PCYT1B: variants seen among roughly 807,000 people sequenced by gnomAD.
PCYT1B encodes the protein choline-phosphate cytidylyltransferase B.
PCYT1B carries 10 observed loss-of-function variants against 26.4 expected under a neutral mutation model. That is an observed-to-expected ratio of 0.38 (90% confidence interval 0.23 to 0.64). The LOEUF is 0.64. PCYT1B is among the 30% of genes least tolerant of loss of function. The pLI is 0.56. For missense variants in PCYT1B, 161 were observed against 292.7 expected, an observed-to-expected ratio of 0.55 and a Z score of 3.28; for synonymous variants, 131 against 108.4, an observed-to-expected ratio of 1.21 and a Z score of -1.29.
intron 2 of PCYT1B, among the ~76,000 whole-genome samples, chrX:24,615,869 C>T (rs1049081305): frequency 4.5e-5 from 5 of 111,863 alleles, no homozygotes; most frequent in Non-Finnish European, 9.4e-5. Context: ...CACTTAGCTC[C>T]ATGGCCTGCT....
At chrX:24,569,941 C>T (rs781393268) in intron 7 of PCYT1B, among the ~76,000 whole-genome samples, 3 of 111,301 alleles carry the variant, frequency 2.7e-5, no homozygotes, top group South Asian at 3.8e-4. Flanking sequence ...CCCAGCACTT[C>T]GGGAGGCTGA....
chrX:24,603,782 C>A (rs1244255105), intron 3 of PCYT1B, among the ~76,000 whole-genome samples: 2 of 111,714 alleles, frequency 1.8e-5, no homozygotes, highest in East Asian at 5.6e-4. Flanking sequence ...AGTCTAGAAT[C>A]TGCCTTTGTT....
Position 24,562,170 on chromosome X carries a change from C to G in PCYT1B, c.*123G>C. 2.5e-6 allele frequency: 3 copies of G among 1,202,734 alleles called. No individual in the cohort carries two copies. In the Admixed American group the frequency reaches 6.6e-5, roughly 26 times the overall value. On this transcript the variant is annotated 3_prime_UTR_variant, in exon 8 of 8. Coordinates refer to ENST00000379144, the MANE Select transcript of PCYT1B (RefSeq NM_004845.5). ...CCCAAGACCTTCCCTTAGCAGAGTT[C>G]AGGGTCTCTCTGCTGAGCTGCAGCT...
At chrX:24,630,442 C>A (rs761645057) in intron 1 of PCYT1B, among the ~76,000 whole-genome samples, 4 of 110,676 alleles carry the variant, frequency 3.6e-5, no homozygotes, top group African/African-American at 1.3e-4. Context: ...ACCACAGGTG[C>A]CCACCACCAC....
Position 24,560,353 on chromosome X carries a change from G to T in PCYT1B, c.*1940C>A, listed in dbSNP as rs1923360956. 1 of 111,813 alleles carries T rather than the reference G, an allele frequency of 8.9e-6. No individual in the cohort carries two copies. The highest frequency in any genetic ancestry group is 1.9e-5 in the Non-Finnish European group (1 of 53,169). The allele number at this position is 111,813 out of a possible 1,213,427, so 9.2% of individuals were successfully genotyped here. On this transcript the variant is annotated 3_prime_UTR_variant, in exon 8 of 8. Transcript: ENST00000379144. ...CTACAAGTGCCAACTAACTCAAATGGTAGGCAGACTTGCATGGCTTGACCT... is the reference window on the plus strand; with the variant it reads ...CTACAAGTGCCAACTAACTCAAATGTTAGGCAGACTTGCATGGCTTGACCT...
chrX:24,596,144 C>A (rs1329597918), intron 3 of PCYT1B, among the ~76,000 whole-genome samples: 1 of 111,556 alleles, frequency 9.0e-6, no homozygotes, highest in East Asian at 2.8e-4. Flanking sequence ...AATTCCTTGG[C>A]CTGTTTTTAA....
At chrX:24,618,172 G>C (rs1925576587) in intron 2 of PCYT1B, among the ~76,000 whole-genome samples, 2 of 111,779 alleles carry the variant, frequency 1.8e-5, no homozygotes, top group Admixed American at 9.6e-5. Context: ...TAATGCTAAA[G>C]GGATGAATGA....
intron 1 of PCYT1B, among the ~76,000 whole-genome samples, chrX:24,642,807 A>G (rs1926507344): frequency 8.9e-6 from 1 of 112,078 alleles, no homozygotes; most frequent in Non-Finnish European, 1.9e-5. Context: ...CAATATTAGC[A>G]AAGGAAGCCA....
intron 1 of PCYT1B, among the ~76,000 whole-genome samples, chrX:24,642,259 A>C (rs1044901063): frequency 1.9e-4 from 21 of 112,075 alleles, no homozygotes; most frequent in African/African-American, 6.8e-4. Context: ...GTTGTTAACC[A>C]CCTGGCTGAC....
chrX:24,579,275 T>C, intron 6 of PCYT1B, 41 bp downstream of exon 6: 1 of 1,185,993 alleles, frequency 8.4e-7, no homozygotes. Context: ...GGTGGTGGTG[T>C]GGCATGGTGG....
chrX:24,653,488 T>C (rs7876880), intron 1 of PCYT1B, among the ~76,000 whole-genome samples: 323 of 111,821 alleles, frequency 2.9e-3, no homozygotes, highest in African/African-American at 0.01. Flanking sequence ...AATACCCTAG[T>C]TTCCTCAGCC....
chrX:24,650,038 T>C (rs1926730763), upstream of PCYT1B: 2 of 112,313 alleles, frequency 1.8e-5, no homozygotes, highest in Non-Finnish European at 3.7e-5. Flanking sequence ...ATGGCAGAAA[T>C]AGGCTCTTTC....
intron 2 of PCYT1B, among the ~76,000 whole-genome samples, chrX:24,618,017 T>A (rs1385800315): frequency 8.9e-6 from 1 of 111,853 alleles, no homozygotes; most frequent in Non-Finnish European, 1.9e-5. Flanking sequence ...GAATCAGTTA[T>A]CATCTGTGTT....
Position 24,560,230 on chromosome X carries a change from C to A in PCYT1B, c.*2063G>T, listed in dbSNP as rs1392599851. ...AAATGGTTTTATGAGAGCAGATTTT[C>A]TTTATCCTCCTTTCCTCCCTCCAGG... On this transcript the variant is annotated 3_prime_UTR_variant, in exon 8 of 8. Transcript: ENST00000379144. 8.9e-6 allele frequency: 1 copy of A among 111,846 alleles called. No individual in the cohort carries two copies. Among genetic ancestry groups the A allele is most frequent in the Non-Finnish European group, 1.9e-5 (1 of 53,171 alleles). 9.2% of individuals were successfully genotyped at this position (111,846 alleles called of 1,213,427 possible).
chrX:24,564,243 G>A (rs1033179303), intron 7 of PCYT1B, among the ~76,000 whole-genome samples: 4 of 111,206 alleles, frequency 3.6e-5, no homozygotes, highest in Non-Finnish European at 7.6e-5. Flanking sequence ...GATGATGGCA[G>A]TGTGCTGAAA....
intron 7 of PCYT1B, among the ~76,000 whole-genome samples, chrX:24,569,410 A>G (rs759200360): frequency 8.9e-6 from 1 of 111,991 alleles, no homozygotes; most frequent in Non-Finnish European, 1.9e-5. Flanking sequence ...AATTAAACAT[A>G]GAATTACCAT....
intron 1 of PCYT1B, among the ~76,000 whole-genome samples, chrX:24,638,759 G>A (rs1347601732): frequency 8.9e-6 from 1 of 111,876 alleles, no homozygotes; most frequent in African/African-American, 3.3e-5. Context: ...AGCAAGCTTA[G>A]ATGGACAACA....
intron 2 of PCYT1B, among the ~76,000 whole-genome samples, chrX:24,611,392 A>G (rs191638574): frequency 6.7e-4 from 75 of 111,795 alleles, no homozygotes; most frequent in African/African-American, 1.0e-3. Context: ...CAGAGCATCT[A>G]TGTGAGATTC....
intron 2 of PCYT1B, among the ~76,000 whole-genome samples, chrX:24,612,800 C>T (rs1925349769): frequency 1.8e-5 from 2 of 111,862 alleles, no homozygotes; most frequent in South Asian, 3.7e-4. Context: ...AACCACGTTA[C>T]GTTTAAATTC....
Sources: gnomAD v4.1 joint callset for allele counts (sites outside exome capture counted in the v4.1 genomes callset) on GRCh38, gnomAD v4.1.1 for gene constraint, MANE v1.5 for transcripts, NCBI Gene and HGNC (gene_info 2026-07-23, HGNC 2026-07-21) for gene names.